OSBPL5: variants seen among roughly 807,000 people sequenced by gnomAD.
OSBPL5 encodes oxysterol binding protein like 5, also known as oxysterol-binding protein-related protein 5.
A neutral mutation model predicts 111.2 loss-of-function variants in OSBPL5; 71 were observed. The observed-to-expected ratio is 0.64, with a 90% CI of 0.53 to 0.78. The LOEUF (loss-of-function observed/expected upper bound fraction) is 0.78, where lower values mean the gene tolerates loss of function less well. OSBPL5 is among the 30% of genes least tolerant of loss of function. The pLI, the probability that OSBPL5 is intolerant of heterozygous loss-of-function variation, is 0.00. For synonymous variants in OSBPL5, 549 were observed against 513.9 expected, an observed-to-expected ratio of 1.07 and a Z score of -0.93; for missense variants, 1,210 against 1,189.3, an observed-to-expected ratio of 1.02 and a Z score of -0.26.
At chr11:3,137,730 G>A (rs1158370582) in intron 1 of OSBPL5, among the ~76,000 whole-genome samples, 2 of 152,206 alleles carry the variant, frequency 1.3e-5, no homozygotes, top group East Asian at 3.9e-4. Flanking sequence ...GATTGCTTGA[G>A]CCTGGGAGGT....
rs1857021870 is a variant in OSBPL5, at chr11:3,090,580, C to A, written c.2376G>T (p.Glu792Asp). ...PESCPELSDE[E>D]QDGDFVPGGE... ...CACCAGGGACAAAGTCACCATCCTGCTCCTCGTCTGAGAGCTCTGGGCAGG... is the reference window on the plus strand; with the variant it reads ...CACCAGGGACAAAGTCACCATCCTGATCCTCGTCTGAGAGCTCTGGGCAGG... Residue 792 changes from glutamate (E) to aspartate (D), a missense_variant, in exon 20 of 22, where the codon GAG becomes GAT. Physicochemically the swap from Glu to Asp is conservative, Grantham distance 45. Coordinates refer to ENST00000263650, the MANE Select transcript of OSBPL5 (RefSeq NM_020896.4). The A allele has an allele frequency of 4.3e-6, 7 of 1,612,940 alleles. No individual in the cohort carries two copies. In the East Asian group the frequency reaches 1.1e-4, roughly 26 times the overall value.
At chr11:3,135,421 G>T (rs1156935347) in intron 1 of OSBPL5, among the ~76,000 whole-genome samples, 1 of 151,872 alleles carries the variant, frequency 6.6e-6, no homozygotes, top group Non-Finnish European at 1.5e-5. Context: ...GAGTAAGGGG[G>T]ACAGAGAGCC....
intron 7 of OSBPL5, among the ~76,000 whole-genome samples, chr11:3,119,231 G>A (rs897031096): frequency 6.6e-6 from 1 of 151,358 alleles, no homozygotes; most frequent in Admixed American, 6.6e-5. Context: ...GGCTGGTCCT[G>A]AACTCCTGAC....
chr11:3,130,774 C>T lies in OSBPL5; in HGVS notation c.-21-1605G>A, dbSNP rs576584248. Among the ~76,000 whole-genome samples the T allele has an allele frequency of 1.3e-5, 2 of 152,222 alleles. No homozygotes were observed. Among genetic ancestry groups the T allele is most frequent in the Non-Finnish European group, 2.9e-5 (2 of 68,032 alleles). On this transcript the variant is annotated intron_variant, in intron 1 of 21. Transcript: ENST00000263650. The surrounding 1 kb of genome is among the most constrained non-coding windows in gnomAD (Gnocchi z 4.5). ...CTGCCCACTCAGTGTCTCAGCTTGGCTCAGCCAACCTGCCGCAGGGAAGCA... is the reference window on the plus strand; with the variant it reads ...CTGCCCACTCAGTGTCTCAGCTTGGTTCAGCCAACCTGCCGCAGGGAAGCA...
rs1030718325 is a variant in OSBPL5, at chr11:3,130,556, C to T, written c.-21-1387G>A. On this transcript the variant is annotated intron_variant, in intron 1 of 21. Coordinates refer to ENST00000263650, the MANE Select transcript of OSBPL5 (RefSeq NM_020896.4). The surrounding 1 kb of genome is among the most constrained non-coding windows in gnomAD (Gnocchi z 4.5). ...CCTGAAGTCAGAGTGGGGAGGGGCTCCAAGGATGCAGCCAGGCTGGGCCAG... is the reference window on the plus strand; with the variant it reads ...CCTGAAGTCAGAGTGGGGAGGGGCTTCAAGGATGCAGCCAGGCTGGGCCAG... 6.6e-6 allele frequency among the ~76,000 whole-genome samples: 1 copy of T among 152,208 alleles called. No homozygotes were observed. Among genetic ancestry groups the T allele is most frequent in the African/African-American group, 2.4e-5 (1 of 41,456 alleles).
In OSBPL5 at chr11:3,136,011, CACTGGGAG is replaced by C. The variant is rs1331454613; in HGVS notation, c.-21-6850_-21-6843del. Among the ~76,000 whole-genome samples the C allele has an allele frequency of 2.0e-5, 3 of 152,220 alleles. No individual in the cohort carries two copies. In the South Asian group the frequency reaches 6.2e-4, roughly 31 times the overall value. ...GTGGGGCATGAAAGACCCCTTCCACCACTGGGAGACAAGAGGTCCCATGTGGTGCCAGC... is the reference window on the plus strand; with the variant it reads ...GTGGGGCATGAAAGACCCCTTCCACCACAAGAGGTCCCATGTGGTGCCAGC... On this transcript the variant is annotated intron_variant, in intron 1 of 21. Transcript: ENST00000263650.
chr11:3,136,423 A>G (rs1845949738), intron 1 of OSBPL5, among the ~76,000 whole-genome samples: 1 of 152,250 alleles, frequency 6.6e-6, no homozygotes, highest in Admixed American at 6.5e-5. Context: ...AGGGGCAGAC[A>G]CTGCCTCAGC....
At position 3,140,273 on chromosome 11, in the gene OSBPL5, GCT is replaced by G. The variant is rs1278165610; in HGVS notation, c.-21-11106_-21-11105del. 1.3e-5 allele frequency among the ~76,000 whole-genome samples: 2 copies of G among 152,204 alleles called. No homozygotes were observed. The highest frequency in any genetic ancestry group is 2.4e-5 in the African/African-American group (1 of 41,450). On this transcript the variant is annotated intron_variant, in intron 1 of 21. Transcript: ENST00000263650. The surrounding 1 kb of genome is among the most constrained non-coding windows in gnomAD (Gnocchi z 4.5). ...TCTGGAAGGGGCAGCCCACAGCAATGCTCTCTGTGAAGGGCCAGCATGGTGCC... is the reference window on the plus strand; with the variant it reads ...TCTGGAAGGGGCAGCCCACAGCAATGCTCTGTGAAGGGCCAGCATGGTGCC...
chr11:3,148,495 C>T (rs1037694448), intron 1 of OSBPL5, among the ~76,000 whole-genome samples: 3 of 152,186 alleles, frequency 2.0e-5, no homozygotes, highest in South Asian at 2.1e-4. Context: ...GAGAGAGGAA[C>T]GGAGGTGAGT....
chr11:3,103,353 T>A (rs1449044211), intron 10 of OSBPL5, 33 bp from the exon 11 acceptor site: 2 of 1,568,814 alleles, frequency 1.3e-6, no homozygotes, highest in Admixed American at 1.8e-5. Context: ...TGACCCCAGC[T>A]CCGGGGGCCG....
At chr11:3,112,057 ATGTGTATGTG>A (rs1857991880) in intron 7 of OSBPL5, among the ~76,000 whole-genome samples, 2 of 118,162 alleles carry the variant, frequency 1.7e-5, no homozygotes, top group Non-Finnish European at 3.6e-5. Context: ...ATGTGTGTGC[ATGTGTATGTG>A]TGTGTGCATG....
rs921286083 is a variant in OSBPL5, at chr11:3,162,642, G to A, written c.-22+2574C>T. 6.6e-6 allele frequency among the ~76,000 whole-genome samples: 1 copy of A among 151,856 alleles called. No individual in the cohort carries two copies. The highest frequency in any genetic ancestry group is 1.5e-5 in the Non-Finnish European group (1 of 67,996). The stretch of plus-strand genomic sequence containing the variant: ...TCACTATCTGCCCATACATCTCCAC[G>A]GGAAAGGTTACCCAGCCGTGGCCAA... On this transcript the variant is annotated intron_variant, in intron 1 of 21. Transcript: ENST00000263650. This position sits in a 1 kb window ranked among gnomAD's most constrained non-coding sequence, Gnocchi z 8.1.
chr11:3,122,226 G>A (rs1564843852), intron 4 of OSBPL5, 122 bp downstream of exon 4: 1 of 1,322,482 alleles, frequency 7.6e-7, no homozygotes, highest in East Asian at 2.5e-5. Flanking sequence ...AGTAGGGGGT[G>A]TGGAGGCGAC....
At chr11:3,099,947 A>T (rs1287519684) in intron 14 of OSBPL5, among the ~76,000 whole-genome samples, 1 of 151,140 alleles carries the variant, frequency 6.6e-6, no homozygotes, top group Non-Finnish European at 1.5e-5. Flanking sequence ...GCATGCCTGT[A>T]ATCCCAGCTA....
chr11:3,149,938 C>T (rs1265469698), intron 1 of OSBPL5, among the ~76,000 whole-genome samples: 5 of 152,308 alleles, frequency 3.3e-5, no homozygotes, highest in Middle Eastern at 3.4e-3. Context: ...CACACACACA[C>T]GGATGCATGG....
At chr11:3,155,629 T>C (rs1380425365) in intron 1 of OSBPL5, among the ~76,000 whole-genome samples, 26 of 132,762 alleles carry the variant, frequency 2.0e-4, no homozygotes, top group African/African-American at 7.0e-4. Flanking sequence ...GGTCTGCCAC[T>C]CACTCACCCC....
chr11:3,150,669 G>T lies in OSBPL5; in HGVS notation c.-22+14547C>A, dbSNP rs375805655. ...TCTTCCCTTCCCCGGGGTCTCCCCCGTGGCCACACCCAACTTTCATTCCCA... is the reference window on the plus strand; with the variant it reads ...TCTTCCCTTCCCCGGGGTCTCCCCCTTGGCCACACCCAACTTTCATTCCCA... On this transcript the variant is annotated intron_variant, in intron 1 of 21. Transcript: ENST00000263650. Among the ~76,000 whole-genome samples the T allele has an allele frequency of 7.1e-4, 108 of 152,292 alleles. 3 individuals are homozygous for T. In the South Asian group the frequency reaches 0.022, roughly 31 times the overall value.
chr11:3,143,353 G>A (rs1226708931), intron 1 of OSBPL5, among the ~76,000 whole-genome samples: 1 of 152,136 alleles, frequency 6.6e-6, no homozygotes, highest in Admixed American at 6.5e-5. Context: ...ACGCACGGAC[G>A]CGACACACCC....
At chr11:3,095,431 C>T (rs1366921867) in intron 14 of OSBPL5, among the ~76,000 whole-genome samples, 1 of 151,900 alleles carries the variant, frequency 6.6e-6, no homozygotes, top group Non-Finnish European at 1.5e-5. Flanking sequence ...GAGAAATGGT[C>T]GATTTGAGGT....
Sources: gnomAD v4.1 joint callset for allele counts (sites outside exome capture counted in the v4.1 genomes callset) on GRCh38, gnomAD v4.1.1 for gene constraint, Gnocchi (gnomAD v3.1) non-coding constraint, MANE v1.5 for transcripts, NCBI Gene and HGNC (gene_info 2026-07-23, HGNC 2026-07-21) for gene names.